FAM163A: variants seen among roughly 807,000 people sequenced by gnomAD.
FAM163A encodes the protein protein FAM163A.
FAM163A carries 7 observed loss-of-function variants against 12.0 expected under a neutral mutation model. That is an observed-to-expected ratio of 0.58 (90% CI 0.33 to 1.10). The LOEUF (loss-of-function observed/expected upper bound fraction) is 1.10. Among genes scored for constraint, FAM163A ranks in the 50% least tolerant of loss-of-function variants. FAM163A has a pLI of 0.03. For synonymous variants in FAM163A, 101 were observed against 91.0 expected, an observed-to-expected ratio of 1.11 and a Z score of -0.62; for missense variants, 202 against 218.6, an observed-to-expected ratio of 0.92 and a Z score of 0.48.
At chr1:179,809,362 G>C (rs527677662) in intron 2 of FAM163A, among the ~76,000 whole-genome samples, 11 of 152,192 alleles carry the variant, frequency 7.2e-5, no homozygotes, top group Non-Finnish European at 1.5e-4. Context: ...GGCAAGCCTT[G>C]GTTACGATTC....
intron 1 of FAM163A, among the ~76,000 whole-genome samples, chr1:179,750,410 G>A (rs1294743151): frequency 6.6e-6 from 1 of 152,226 alleles, no homozygotes; most frequent in Non-Finnish European, 1.5e-5. Flanking sequence ...ATTCAGGAAG[G>A]AGCTGGAAGT....
At chr1:179,807,266 C>T (rs975423092) in intron 1 of FAM163A, among the ~76,000 whole-genome samples, 2 of 152,176 alleles carry the variant, frequency 1.3e-5, no homozygotes. Context: ...GCTCATCTGG[C>T]TGTCCAGTCA....
Position 179,815,109 on chromosome 1 carries a change from G to GCGCGCGCGCACACACA in FAM163A, c.*921_*922insGCGCGCGCACACACAC, listed in dbSNP as rs1273970601. ...CAGGTGTACGCACGCGCGCGCGCGC[G>GCGCGCGCGCACACACA]CACAGACACACACACACACACACAC... is the stretch of plus-strand genomic sequence containing the variant. On this transcript the variant is annotated 3_prime_UTR_variant, in exon 5 of 5. Coordinates refer to ENST00000341785, the MANE Select transcript of FAM163A (RefSeq NM_173509.3). The GCGCGCGCGCACACACA allele has an allele frequency of 1.5e-5, 1 of 67,236 alleles. No homozygotes were observed. The highest frequency in any genetic ancestry group is 6.3e-5 in the African/African-American group (1 of 15,782). 4.2% of individuals were successfully genotyped at this position (67,236 alleles called of 1,614,324 possible).
At chr1:179,764,818 G>A in intron 1 of FAM163A, among the ~76,000 whole-genome samples, 1 of 152,156 alleles carries the variant, frequency 6.6e-6, no homozygotes, top group Admixed American at 6.5e-5. Context: ...ACCTCTCTGT[G>A]CCTCAGTTGC....
At chr1:179,792,286 TG>T (rs1443348389) in intron 1 of FAM163A, among the ~76,000 whole-genome samples, 6 of 66,650 alleles carry the variant, frequency 9.0e-5, no homozygotes, top group Admixed American at 3.8e-4. Context: ...TATCTGATTG[TG>T]TGTGTGTGTG....
At chr1:179,772,025 C>T (rs1234121070) in intron 1 of FAM163A, among the ~76,000 whole-genome samples, 1 of 152,154 alleles carries the variant, frequency 6.6e-6, no homozygotes, top group Non-Finnish European at 1.5e-5. Context: ...ATGACCCCTC[C>T]AGGTGGCAGC....
At chr1:179,791,391 C>T (rs1015749000) in intron 1 of FAM163A, among the ~76,000 whole-genome samples, 1 of 152,212 alleles carries the variant, frequency 6.6e-6, no homozygotes, top group African/African-American at 2.4e-5. Flanking sequence ...GGCCTCTTCC[C>T]CCTGCTCTCT....
chr1:179,790,398 G>A (rs1044177709), intron 1 of FAM163A, among the ~76,000 whole-genome samples: 5 of 151,902 alleles, frequency 3.3e-5, no homozygotes, highest in African/African-American at 1.2e-4. Context: ...GAGGTGATTT[G>A]CCCAGTTTAC....
intron 1 of FAM163A, among the ~76,000 whole-genome samples, chr1:179,758,821 G>C (rs1204834830): frequency 6.6e-6 from 1 of 152,142 alleles, no homozygotes; most frequent in African/African-American, 2.4e-5. Flanking sequence ...AGGACCCCCA[G>C]ACTTCCCCAC....
chr1:179,813,850 G>A lies in FAM163A; in HGVS notation c.165G>A (p.Thr55=), dbSNP rs1375668115. ...AGGAGCGGGAGCACGACCTTCCCACGCATCCCAGAGGCCCCACCTGCAATG... is the reference window on the plus strand; with the variant it reads ...AGGAGCGGGAGCACGACCTTCCCACACATCCCAGAGGCCCCACCTGCAATG... ...EEEEREHDLP[T]HPRGPTCNAC... is the part of the protein sequence containing the mutation. The change falls in exon 5 of 5, where the codon ACG becomes ACA. Residue 55 remains threonine, a synonymous_variant. Transcript: ENST00000341785. 2 of 1,613,954 alleles carry A rather than the reference G, an allele frequency of 1.2e-6. No individual in the cohort carries two copies. Among genetic ancestry groups the A allele is most frequent in the African/African-American group, 1.3e-5 (1 of 75,042 alleles).
chr1:179,796,603 C>T (rs1053552182), intron 1 of FAM163A, among the ~76,000 whole-genome samples: 2 of 152,168 alleles, frequency 1.3e-5, no homozygotes, highest in East Asian at 3.8e-4. Context: ...GTCATGCTGG[C>T]TCTTTGATAT....
At chr1:179,767,779 G>A (rs1457343321) in intron 1 of FAM163A, among the ~76,000 whole-genome samples, 1 of 152,068 alleles carries the variant, frequency 6.6e-6, no homozygotes, top group African/African-American at 2.4e-5. Context: ...CAGCATCCCA[G>A]AATTTTACGA....
At chr1:179,805,054 T>C (rs1693730980) in intron 1 of FAM163A, among the ~76,000 whole-genome samples, 1 of 152,232 alleles carries the variant, frequency 6.6e-6, no homozygotes, top group South Asian at 2.1e-4. Flanking sequence ...AAAAAGCAAC[T>C]TTAATTTTTT....
chr1:179,739,949 A>C (rs1031609610), upstream of FAM163A, among the ~76,000 whole-genome samples: 1 of 152,208 alleles, frequency 6.6e-6, no homozygotes, highest in Non-Finnish European at 1.5e-5. Flanking sequence ...GATCATTCAT[A>C]TGTTCCTTGT....
intron 1 of FAM163A, among the ~76,000 whole-genome samples, chr1:179,781,878 G>A (rs1011872730): frequency 6.7e-6 from 1 of 149,320 alleles, no homozygotes; most frequent in African/African-American, 2.5e-5. Flanking sequence ...AGGTCACAGT[G>A]AGCCAAGATC....
At position 179,788,443 on chromosome 1, in the gene FAM163A, C is replaced by T. The variant is rs142947208; in HGVS notation, c.-135-19355C>T. On this transcript the variant is annotated intron_variant, in intron 1 of 4. Coordinates refer to ENST00000341785, the MANE Select transcript of FAM163A (RefSeq NM_173509.3). Reference sequence around the variant, plus strand: ...GAAAGCCTGCTCTGAACAGGACCTGCTCTTCCACTGGCCCTGCTGCTTTCT... The same window carrying T: ...GAAAGCCTGCTCTGAACAGGACCTGTTCTTCCACTGGCCCTGCTGCTTTCT... Among the ~76,000 whole-genome samples the T allele has an allele frequency of 5.9e-5, 9 of 152,354 alleles. No individual in the cohort carries two copies. In the East Asian group the frequency reaches 1.7e-3, roughly 29 times the overall value.
chr1:179,788,267 C>T (rs1690930802), intron 1 of FAM163A, among the ~76,000 whole-genome samples: 2 of 152,200 alleles, frequency 1.3e-5, no homozygotes, highest in Non-Finnish European at 2.9e-5. Context: ...CTCTCTTTCC[C>T]ACCACCCACT....
intron 1 of FAM163A, among the ~76,000 whole-genome samples, chr1:179,768,196 T>C (rs1429098333): frequency 6.6e-6 from 1 of 152,256 alleles, no homozygotes; most frequent in African/African-American, 2.4e-5. Context: ...TAATATTCCA[T>C]TGTATGGATA....
intron 1 of FAM163A, among the ~76,000 whole-genome samples, chr1:179,770,455 A>G (rs1475673645): frequency 1.3e-5 from 2 of 152,062 alleles, no homozygotes; most frequent in Non-Finnish European, 2.9e-5. Flanking sequence ...AAAACAAGAA[A>G]GCCTTCCCAT....
Sources: allele counts gnomAD v4.1 joint callset (sites outside exome capture counted in the v4.1 genomes callset), GRCh38; gene constraint gnomAD v4.1.1; transcripts MANE v1.5; gene names NCBI Gene and HGNC (gene_info 2026-07-23, HGNC 2026-07-21).